SRCIN1: variants seen among roughly 807,000 people sequenced by gnomAD.
SRCIN1 encodes the protein P130Cas-associated protein.
In SRCIN1, 50 loss-of-function variants were observed where a neutral mutation model predicts 116.2. That is an observed-to-expected ratio of 0.43 (90% CI 0.34 to 0.54). The LOEUF (loss-of-function observed/expected upper bound fraction) is 0.54. SRCIN1 is among the 20% of genes least tolerant of loss of function. The pLI is 0.02. For synonymous variants in SRCIN1, 736 were observed against 750.0 expected (o/e 0.98, Z 0.30); for missense variants, 1,446 against 1,672.0 (o/e 0.86, Z 2.36).
At chr17:38,557,945 G>A (rs1050229313) in intron 11 of SRCIN1, among the ~76,000 whole-genome samples, 12 of 152,252 alleles carry the variant, frequency 7.9e-5, no homozygotes, top group African/African-American at 2.2e-4. Flanking sequence ...ACATGACAGT[G>A]AAGCTGCAGG....
rs1205196517 is a variant in SRCIN1, at chr17:38,531,640, C to T, written c.*1657G>A. The T allele has an allele frequency of 2.1e-5, 3 of 144,804 alleles. No homozygotes were observed. Among genetic ancestry groups the T allele is most frequent in the Admixed American group, 7.1e-5 (1 of 14,056 alleles). The allele number at this position is 144,804 out of a possible 1,614,324, so 9.0% of individuals were successfully genotyped here. A position where few individuals can be genotyped will look rare whatever the true frequency, so the allele number is the denominator to read the frequency against. ...TTGTTATTTTTCAAAAAGGCTTGCTCGCCTTGGTACAAAAATGATCCAAAG... is the reference window on the plus strand; with the variant it reads ...TTGTTATTTTTCAAAAAGGCTTGCTTGCCTTGGTACAAAAATGATCCAAAG... On this transcript the variant is annotated 3_prime_UTR_variant, in exon 19 of 19. Coordinates refer to ENST00000617146, the MANE Select transcript of SRCIN1 (RefSeq NM_025248.3).
rs1318500405 is a variant in SRCIN1, at chr17:38,562,318, A to T, written c.845T>A (p.Val282Glu). 1.4e-6 allele frequency: 2 copies of T among 1,472,552 alleles called. No homozygotes were observed. Among genetic ancestry groups the T allele is most frequent in the Admixed American group, 5.0e-5 (2 of 39,932 alleles). 91.2% of individuals were successfully genotyped at this position (1,472,552 alleles called of 1,614,324 possible). The part of the protein sequence containing the change: ...LTNGDLRREM[V>E]YASRESSPTR... ...GGGCGAGGACTCCCGCGATGCGTAC[A>T]CCATCTCTCTCTGCGCAGAAGACAG... Residue 282 changes from valine (V) to glutamate (E), a missense_variant, in exon 7 of 19, where the codon GTG becomes GAG. Around this residue, in one of 5 missense-constraint regions of SRCIN1, gnomAD observed 239 missense variants for 317.7 expected, o/e 0.75. Transcript: ENST00000617146. This position sits in a 1 kb window ranked among gnomAD's most constrained non-coding sequence, Gnocchi z 4.2.
chr17:38,555,982 G>A (rs996344573), intron 11 of SRCIN1, among the ~76,000 whole-genome samples: 2 of 152,232 alleles, frequency 1.3e-5, no homozygotes, highest in African/African-American at 2.4e-5. Flanking sequence ...AAGCTCAATC[G>A]GCAACTTGAT....
In SRCIN1 at chr17:38,604,362, C is replaced by T; in HGVS notation, c.22+1322G>A. The T allele has an allele frequency of 3.2e-6, 1 of 313,804 alleles. No individual in the cohort carries two copies. The highest frequency in any genetic ancestry group is 6.3e-6 in the Non-Finnish European group (1 of 158,400). The allele number at this position is 313,804 out of a possible 1,614,324, so 19.4% of individuals were successfully genotyped here. ...TGCTGCCAGAAACCCCCACCCCCAG[C>T]TCGGGGAGCCCACTTTCCTTAAAGT... On this transcript the variant is annotated intron_variant, in intron 1 of 18. Coordinates refer to ENST00000617146, the MANE Select transcript of SRCIN1 (RefSeq NM_025248.3). The surrounding 1 kb of genome is among the most constrained non-coding windows in gnomAD (Gnocchi z 4.3).
chr17:38,597,039 C>T (rs1249932354), intron 1 of SRCIN1, among the ~76,000 whole-genome samples: 2 of 152,218 alleles, frequency 1.3e-5, no homozygotes, highest in African/African-American at 4.8e-5. Flanking sequence ...GCACAGCCCT[C>T]CCTGGGCTGG....
intron 14 of SRCIN1, 142 bp downstream of exon 14, chr17:38,551,744 T>G: frequency 2.2e-6 from 3 of 1,373,006 alleles, no homozygotes; most frequent in Non-Finnish European, 3.0e-6. Flanking sequence ...TCATTATGCT[T>G]CTTAGGCTTC....
At position 38,552,214 on chromosome 17, in the gene SRCIN1, G is replaced by A; in HGVS notation, c.2481-82C>T. On this transcript the variant is annotated intron_variant, in intron 13 of 18. Transcript: ENST00000617146. The surrounding 1 kb of genome is among the most constrained non-coding windows in gnomAD (Gnocchi z 5.3). ...AGGAAGGCTGCTCTGAGGGAGGTGG[G>A]GTGGGAGGCAGGCTCTGGGATGCTG... 6 of 1,543,114 alleles carry A rather than the reference G, an allele frequency of 3.9e-6. No individual in the cohort carries two copies. The highest frequency in any genetic ancestry group is 5.3e-6 in the Non-Finnish European group (6 of 1,142,488).
chr17:38,563,048 G>C lies in SRCIN1; in HGVS notation c.741-128C>G. ...CCGGGAGCCCCATCTCAGGCTGCCT[G>C]CACACACGCCCAGCAGCCTCCACCC... is the stretch of plus-strand genomic sequence containing the variant. On this transcript the variant is annotated intron_variant, in intron 5 of 18. Transcript: ENST00000617146. This position sits in a 1 kb window ranked among gnomAD's most constrained non-coding sequence, Gnocchi z 5.8. The C allele has an allele frequency of 8.2e-6, 7 of 850,870 alleles. No individual in the cohort carries two copies. The highest frequency in any genetic ancestry group is 1.3e-5 in the Non-Finnish European group (7 of 536,212). The allele number at this position is 850,870 out of a possible 1,614,324, so 52.7% of individuals were successfully genotyped here.
At chr17:38,576,727 A>G (rs112282135) in intron 2 of SRCIN1, among the ~76,000 whole-genome samples, 18 of 152,044 alleles carry the variant, frequency 1.2e-4, no homozygotes, top group African/African-American at 4.3e-4. Flanking sequence ...CAAGGCACCA[A>G]CATCTCCCTG....
chr17:38,554,439 C>G (rs138943417), intron 11 of SRCIN1, among the ~76,000 whole-genome samples: 1 of 152,194 alleles, frequency 6.6e-6, no homozygotes, highest in African/African-American at 2.4e-5. Context: ...TTTTCTCTGC[C>G]TAGAATATTC....
At chr17:38,540,646 G>A (rs2144893527) in intron 18 of SRCIN1, among the ~76,000 whole-genome samples, 1 of 152,336 alleles carries the variant, frequency 6.6e-6, no homozygotes, top group African/African-American at 2.4e-5. Context: ...GGGGCAGGGT[G>A]AGCTGAGGCT....
chr17:38,559,367 A>C (rs1232711335), intron 10 of SRCIN1: 2 of 577,850 alleles, frequency 3.5e-6, no homozygotes, highest in Non-Finnish European at 6.0e-6. Flanking sequence ...GCGAGGGATA[A>C]GGCCTTGGTG....
At chr17:38,600,518 C>T (rs1197582385) in intron 1 of SRCIN1, among the ~76,000 whole-genome samples, 1 of 152,200 alleles carries the variant, frequency 6.6e-6, no homozygotes, top group East Asian at 1.9e-4. Context: ...CAGGTTTCAG[C>T]ACACACATCC....
rs1906851257 is a variant in SRCIN1, at chr17:38,568,268, G to C, written c.325-37C>G. On this transcript the variant is annotated intron_variant, in intron 2 of 18. Transcript: ENST00000617146. The surrounding 1 kb of genome is among the most constrained non-coding windows in gnomAD (Gnocchi z 4.5). ...AATAAGAGAAGAGATGGTTATGAGGGGGCCCAGGAGGGGAAAAGAGGGGCA... is the reference window on the plus strand; with the variant it reads ...AATAAGAGAAGAGATGGTTATGAGGCGGCCCAGGAGGGGAAAAGAGGGGCA... 6.2e-7 allele frequency: 1 copy of C among 1,608,772 alleles called. No individual in the cohort carries two copies. The highest frequency in any genetic ancestry group is 8.5e-7 in the Non-Finnish European group (1 of 1,177,442).
chr17:38,534,240 G>A (rs966091095), intron 18 of SRCIN1, among the ~76,000 whole-genome samples: 7 of 152,152 alleles, frequency 4.6e-5, no homozygotes, highest in Non-Finnish European at 1.0e-4. Context: ...TCCAAAGTGC[G>A]GTTTGAGAGC....
Position 38,587,845 on chromosome 17 carries a change from C to T in SRCIN1, c.23-9054G>A, listed in dbSNP as rs1475147460. Among the ~76,000 whole-genome samples, 3 of 152,168 alleles carry T rather than the reference C, an allele frequency of 2.0e-5. No homozygotes were observed. In the East Asian group the frequency reaches 5.8e-4, roughly 29 times the overall value. The stretch of plus-strand genomic sequence containing the variant: ...CCGCAGGGCATCCGAACTGCACATT[C>T]AGACAAGACTCCCCATCCTTGCAAA... On this transcript the variant is annotated intron_variant, in intron 1 of 18. Coordinates refer to ENST00000617146, the MANE Select transcript of SRCIN1 (RefSeq NM_025248.3).
Position 38,558,472 on chromosome 17 carries a change from G to A in SRCIN1, c.2026-70C>T. On this transcript the variant is annotated intron_variant, in intron 10 of 18. Coordinates refer to ENST00000617146, the MANE Select transcript of SRCIN1 (RefSeq NM_025248.3). The surrounding 1 kb of genome is among the most constrained non-coding windows in gnomAD (Gnocchi z 4.6). The stretch of plus-strand genomic sequence containing the variant: ...CCGCGAGGCAGGGGAAGGGCCGGGA[G>A]AAGGCGGGTAGAGGACTGCCCAATC... The A allele has an allele frequency of 6.6e-7, 1 of 1,515,778 alleles. No individual in the cohort carries two copies. The highest frequency in any genetic ancestry group is 8.8e-7 in the Non-Finnish European group (1 of 1,136,840). The allele number at this position is 1,515,778 out of a possible 1,614,324, so 93.9% of individuals were successfully genotyped here.
At chr17:38,535,357 C>T (rs550170789) in intron 18 of SRCIN1, among the ~76,000 whole-genome samples, 4 of 152,032 alleles carry the variant, frequency 2.6e-5, no homozygotes, top group East Asian at 1.9e-4. Context: ...TACAGGCATG[C>T]GCCACCACGC....
chr17:38,598,841 T>C (rs1042395152), intron 1 of SRCIN1, among the ~76,000 whole-genome samples: 3 of 152,156 alleles, frequency 2.0e-5, no homozygotes, highest in Non-Finnish European at 2.9e-5. Flanking sequence ...CAAAGCCAGT[T>C]CTGCTGGGGT....
Sources: allele counts gnomAD v4.1 joint callset (sites outside exome capture counted in the v4.1 genomes callset), GRCh38; gene constraint gnomAD v4.1.1; regional missense constraint gnomAD v4.1.1; non-coding constraint Gnocchi (gnomAD v3.1); transcripts MANE v1.5; gene names NCBI Gene and HGNC (gene_info 2026-07-23, HGNC 2026-07-21).